The following CASD1 variants were observed in gnomAD, a reference collection of about 807,000 sequenced individuals.
The protein encoded by CASD1 is CAS1 domain sialic acid O acetyltransferase 1.
In CASD1, 41 loss-of-function variants were observed where a neutral mutation model predicts 100.0. The ratio of observed to expected loss-of-function variants is 0.41; its 90% CI spans 0.32 to 0.53. CASD1 has a LOEUF of 0.53. Among genes scored for constraint, CASD1 ranks in the 20% least tolerant of loss-of-function variants. CASD1 has a pLI of 0.25. For missense variants in CASD1, 774 were observed against 948.7 expected (o/e 0.82, Z 2.42); for synonymous variants, 321 against 315.6 (o/e 1.02, Z -0.18).
At chr7:94,615,099 G>A in the CASD1 span, among the ~76,000 whole-genome samples, 25 of 152,308 alleles carry the variant, frequency 1.6e-4, no homozygotes, top group East Asian at 1.9e-4. Context: ...AGTAGCTCAC[G>A]CCTGTAAGCC....
At chr7:94,584,115 A>C in the CASD1 span, among the ~76,000 whole-genome samples, 1 of 152,204 alleles carries the variant, frequency 6.6e-6, no homozygotes, top group African/African-American at 2.4e-5. Flanking sequence ...GCACTTTGCA[A>C]TCTCCAAATG....
the CASD1 span, chr7:94,618,920 T>G: frequency 3.1e-6 from 5 of 1,613,962 alleles, no homozygotes; most frequent in Non-Finnish European, 4.2e-6. Flanking sequence ...ATTCATATTC[T>G]TAATGAAGAA....
At chr7:94,597,030 T>G in the CASD1 span, among the ~76,000 whole-genome samples, 1 of 152,166 alleles carries the variant, frequency 6.6e-6, no homozygotes, top group Non-Finnish European at 1.5e-5. Context: ...TTTTACCAAT[T>G]TTTCTCATCA....
At chr7:94,552,825 T>C (rs1315264267) in intron 16 of CASD1, among the ~76,000 whole-genome samples, 1 of 152,086 alleles carries the variant, frequency 6.6e-6, no homozygotes, top group Non-Finnish European at 1.5e-5. Context: ...TAATCCCAGC[T>C]ACTTGGAAGG....
the CASD1 span, among the ~76,000 whole-genome samples, chr7:94,608,657 A>T: frequency 6.6e-6 from 1 of 152,194 alleles, no homozygotes; most frequent in Non-Finnish European, 1.5e-5. Flanking sequence ...GACTGACACT[A>T]CCCAACATCA....
chr7:94,610,938 C>T, the CASD1 span, among the ~76,000 whole-genome samples: 2 of 152,018 alleles, frequency 1.3e-5, no homozygotes, highest in Non-Finnish European at 2.9e-5. Context: ...GAAATCAAAA[C>T]CACAATGAGA....
In CASD1 at chr7:94,529,401, A is replaced by G. The variant is rs1020090759; in HGVS notation, c.459+1151A>G. 3.3e-5 allele frequency among the ~76,000 whole-genome samples: 5 copies of G among 152,124 alleles called. No individual in the cohort carries two copies. The East Asian group carries it at 5.8e-4, about 18-fold the overall frequency. On this transcript the variant is annotated intron_variant, in intron 5 of 17. Transcript: ENST00000297273. ...CAATTCTCATACATTTGTTAAAGCT[A>G]GTTTTTGGAGCCTTAGATTCTATTG...
chr7:94,619,451 T>C, the CASD1 span: 2 of 152,560 alleles, frequency 1.3e-5, no homozygotes, highest in Admixed American at 6.5e-5. Flanking sequence ...GATTTAGTGT[T>C]TTTTCCTCCT....
chr7:94,593,894 T>G, the CASD1 span, among the ~76,000 whole-genome samples: 3 of 152,104 alleles, frequency 2.0e-5, no homozygotes, highest in Non-Finnish European at 4.4e-5. Context: ...TTTTGATTAT[T>G]AAGCCAGGAA....
In CASD1 at chr7:94,511,931, A is replaced by G. The variant is rs1393233773; in HGVS notation, c.133+1714A>G. Among the ~76,000 whole-genome samples, 4 of 152,224 alleles carry G rather than the reference A, an allele frequency of 2.6e-5. No homozygotes were observed. In the East Asian group the frequency reaches 7.7e-4, roughly 29 times the overall value. On this transcript the variant is annotated intron_variant, in intron 1 of 17. Coordinates refer to ENST00000297273, the MANE Select transcript of CASD1 (RefSeq NM_022900.5). ...GATTGTTTATAAAGCCTTCTCCAGA[A>G]GTAAGTCATCAGTTTCCATAGGTAC...
intron 3 of CASD1, among the ~76,000 whole-genome samples, chr7:94,525,351 A>G (rs1385419626): frequency 6.6e-6 from 1 of 152,194 alleles, no homozygotes; most frequent in Non-Finnish European, 1.5e-5. Flanking sequence ...GTATAAACAC[A>G]CAATTTAGGA....
At chr7:94,563,033 TC>T in the CASD1 span, among the ~76,000 whole-genome samples, 4 of 152,150 alleles carry the variant, frequency 2.6e-5, no homozygotes, top group African/African-American at 9.7e-5. Context: ...AGTAAGATCT[TC>T]CTTATGCTCA....
At chr7:94,512,473 C>T (rs931814171) in intron 1 of CASD1, among the ~76,000 whole-genome samples, 1 of 152,140 alleles carries the variant, frequency 6.6e-6, no homozygotes, top group Non-Finnish European at 1.5e-5. Flanking sequence ...AGAGTGAATG[C>T]AGTTTGGATA....
the CASD1 span, chr7:94,625,736 T>C: frequency 3.3e-5 from 5 of 152,102 alleles, no homozygotes; most frequent in African/African-American, 1.2e-4. Flanking sequence ...TCACTATTGC[T>C]CTGAACATTC....
rs1796181709 is a variant in CASD1, at chr7:94,555,881, G to A, written c.*123G>A. 2 of 937,326 alleles carry A rather than the reference G, an allele frequency of 2.1e-6. No homozygotes were observed. The highest frequency in any genetic ancestry group is 3.2e-6 in the Non-Finnish European group (2 of 631,140). 58.1% of individuals were successfully genotyped at this position (937,326 alleles called of 1,614,324 possible). A position where few individuals can be genotyped will look rare whatever the true frequency, so the allele number is the denominator to read the frequency against. On this transcript the variant is annotated 3_prime_UTR_variant, in exon 18 of 18. Coordinates refer to ENST00000297273, the MANE Select transcript of CASD1 (RefSeq NM_022900.5). ...TATAAACGTTTGTGGCAAGAGGACA[G>A]TTCTGTGACATCTGTTGAACATATG...
chr7:94,522,817 C>G (rs1455915521), intron 3 of CASD1, among the ~76,000 whole-genome samples: 1 of 152,056 alleles, frequency 6.6e-6, no homozygotes, highest in Non-Finnish European at 1.5e-5. Context: ...GCCACCACGC[C>G]CAGCTAATTT....
the CASD1 span, among the ~76,000 whole-genome samples, chr7:94,584,678 G>A: frequency 6.6e-6 from 1 of 152,212 alleles, no homozygotes; most frequent in Admixed American, 6.5e-5. Flanking sequence ...AAGCTGTCCT[G>A]CCAGGTGACA....
At chr7:94,597,117 C>T in the CASD1 span, 1 of 151,998 alleles carries the variant, frequency 6.6e-6, no homozygotes, top group Non-Finnish European at 1.5e-5. Context: ...GCATAGAAAC[C>T]CATCCGTTGC....
chr7:94,510,083 A>G lies in CASD1; in HGVS notation c.-2A>G. The G allele has an allele frequency of 6.6e-7, 1 of 1,515,902 alleles. No individual in the cohort carries two copies. Among genetic ancestry groups the G allele is most frequent in the Non-Finnish European group, 8.9e-7 (1 of 1,129,572 alleles). The allele number at this position is 1,515,902 out of a possible 1,614,324, so 93.9% of individuals were successfully genotyped here. ...GCGCACTGTTGTCATGGAGGAACCA[A>G]GATGGCGGCTCTGGCCTACAACCTG... On this transcript the variant is annotated 5_prime_UTR_variant, in exon 1 of 18. Coordinates refer to ENST00000297273, the MANE Select transcript of CASD1 (RefSeq NM_022900.5).
Sources: allele counts gnomAD v4.1 joint callset (sites outside exome capture counted in the v4.1 genomes callset), GRCh38; gene constraint gnomAD v4.1.1; transcripts MANE v1.5; gene names NCBI Gene and HGNC (gene_info 2026-07-23, HGNC 2026-07-21).